TTC28: variants seen among roughly 807,000 people sequenced by gnomAD.
TTC28 encodes the protein tetratricopeptide repeat domain 28, also known as tetratricopeptide repeat protein 28.
Under a neutral mutation model 198.0 loss-of-function variants are expected in TTC28, and 61 were observed. That is an observed-to-expected ratio of 0.31 (90% confidence interval 0.25 to 0.38). The LOEUF is 0.38. Among genes scored for constraint, TTC28 ranks in the 10% least tolerant of loss-of-function variants. The pLI, the probability that TTC28 is intolerant of heterozygous loss-of-function variation, is 1.00. For missense variants in TTC28, 2,678 were observed against 3,164.0 expected (o/e 0.85, Z 3.69); for synonymous variants, 1,171 against 1,297.8 (o/e 0.90, Z 2.10).
At chr22:28,317,563 T>C (rs560321316) in intron 2 of TTC28, among the ~76,000 whole-genome samples, 1 of 152,040 alleles carries the variant, frequency 6.6e-6, no homozygotes, top group Non-Finnish European at 1.5e-5. Context: ...AACTGGAGAG[T>C]AGCCTATCCT....
At chr22:28,575,102 A>G (rs1466974088) in intron 2 of TTC28, among the ~76,000 whole-genome samples, 3 of 152,072 alleles carry the variant, frequency 2.0e-5, no homozygotes, top group Non-Finnish European at 2.9e-5. Context: ...ATATTTGCCC[A>G]CTCCAATGTC....
chr22:28,004,732 G>C (rs1483969116), intron 14 of TTC28, among the ~76,000 whole-genome samples: 1 of 152,238 alleles, frequency 6.6e-6, no homozygotes, highest in Non-Finnish European at 1.5e-5. Flanking sequence ...GGACATGTTA[G>C]AGATAATGCC....
intron 2 of TTC28, among the ~76,000 whole-genome samples, chr22:28,338,651 T>C (rs945575459): frequency 2.0e-5 from 3 of 152,232 alleles, no homozygotes; most frequent in Admixed American, 1.3e-4. Context: ...GGCTTCTGCA[T>C]TCATCATGTA....
At chr22:28,438,616 G>A (rs79918098) in intron 2 of TTC28, among the ~76,000 whole-genome samples, 2,183 of 152,260 alleles carry the variant, frequency 0.014, 32 homozygotes, top group Admixed American at 0.024. Context: ...CAGCTTTCCT[G>A]AAGGTTTTGA....
intron 1 of TTC28, among the ~76,000 whole-genome samples, chr22:28,660,649 G>A (rs1028391251): frequency 1.3e-5 from 2 of 151,354 alleles, no homozygotes; most frequent in Non-Finnish European, 2.9e-5. Flanking sequence ...TCAACCTCCC[G>A]AGTAGCTGAT....
At chr22:28,038,550 G>A (rs111667313) in intron 12 of TTC28, among the ~76,000 whole-genome samples, 4 of 151,948 alleles carry the variant, frequency 2.6e-5, no homozygotes, top group Admixed American at 6.6e-5. Context: ...ATGTTAGACC[G>A]AAAACCATAA....
chr22:28,407,802 A>G (rs535357163), intron 2 of TTC28, among the ~76,000 whole-genome samples: 1 of 152,332 alleles, frequency 6.6e-6, no homozygotes, highest in African/African-American at 2.4e-5. Context: ...TAGTTCTTAC[A>G]TGGCCAACCA....
rs1236578318 is a variant in TTC28, at chr22:28,629,765, A to G, written c.168T>C (p.Ala56=). 1.4e-5 allele frequency: 21 copies of G among 1,551,626 alleles called. No individual in the cohort carries two copies. In the East Asian group the frequency reaches 5.1e-4, roughly 38 times the overall value. Residue 56 remains alanine (A), a synonymous_variant, in exon 2 of 23, where the codon GCT becomes GCC. Coordinates refer to ENST00000397906, the MANE Select transcript of TTC28 (RefSeq NM_001145418.2). ...RSPDGPVLSK[A]EFVEKVRQSN... ...TCTGACGAACTTTCTCAACAAATTC[A>G]GCTTTGCTCAGTACCGGTCCATCAG... is the stretch of plus-strand genomic sequence containing the variant.
At chr22:28,256,865 G>A (rs1930965013) in intron 5 of TTC28, among the ~76,000 whole-genome samples, 1 of 152,102 alleles carries the variant, frequency 6.6e-6, no homozygotes, top group South Asian at 2.1e-4. Flanking sequence ...AGAGCAAGAT[G>A]CCATCTCTAC....
chr22:28,547,573 A>G (rs973697477), intron 2 of TTC28, among the ~76,000 whole-genome samples: 1 of 152,106 alleles, frequency 6.6e-6, no homozygotes, highest in African/African-American at 2.4e-5. Flanking sequence ...CAGTCAATGA[A>G]TCTAGTATTC....
chr22:28,587,469 T>A (rs571792278), intron 2 of TTC28, among the ~76,000 whole-genome samples: 5 of 152,298 alleles, frequency 3.3e-5, no homozygotes, highest in Admixed American at 3.3e-4. Context: ...CATCTTGAAT[T>A]CTGAACTCTA....
At chr22:28,442,411 C>CG (rs530346200) in intron 2 of TTC28, among the ~76,000 whole-genome samples, 48 of 152,318 alleles carry the variant, frequency 3.2e-4, no homozygotes, top group African/African-American at 1.1e-3. Flanking sequence ...TGGGGCTGCT[C>CG]GCCCCCCAGC....
In TTC28 at chr22:28,243,174, C is replaced by CAAAAAAAAAAAA. The variant is rs754700795; in HGVS notation, c.933+53012_933+53023dup. 1.3e-3 allele frequency among the ~76,000 whole-genome samples: 92 copies of CAAAAAAAAAAAA among 68,316 alleles called. 20 individuals are homozygous for CAAAAAAAAAAAA. Among genetic ancestry groups the CAAAAAAAAAAAA allele is most frequent in the Non-Finnish European group, 1.6e-3 (62 of 38,902 alleles). 44.8% of individuals were successfully genotyped at this position (68,316 alleles called of 152,430 possible). A position where few individuals can be genotyped will look rare whatever the true frequency, so the allele number is the denominator to read the frequency against. On this transcript the variant is annotated intron_variant, in intron 5 of 22. Coordinates refer to ENST00000397906, the MANE Select transcript of TTC28 (RefSeq NM_001145418.2). ...GCAACCTGGCAAAACCCCCTCTCTACAAAAAAAAAAAAAAAAAAAAAAAAA... is the reference window on the plus strand; with the variant it reads ...GCAACCTGGCAAAACCCCCTCTCTACAAAAAAAAAAAAAAAAAAAAAAAAAAAAAAAAAAAAA...
chr22:28,538,308 G>T (rs915291519), intron 2 of TTC28, among the ~76,000 whole-genome samples: 1 of 151,928 alleles, frequency 6.6e-6, no homozygotes, highest in African/African-American at 2.4e-5. Context: ...GGCTGGTCTC[G>T]AACTCCTTGA....
chr22:28,089,928 C>T (rs978337355), intron 12 of TTC28, among the ~76,000 whole-genome samples: 4 of 151,552 alleles, frequency 2.6e-5, no homozygotes, highest in South Asian at 2.1e-4. Flanking sequence ...AACACATGGA[C>T]ACAGGAAGGG....
chr22:28,335,399 G>T (rs1309849205), intron 2 of TTC28, among the ~76,000 whole-genome samples: 9 of 152,156 alleles, frequency 5.9e-5, no homozygotes, highest in African/African-American at 9.7e-5. Flanking sequence ...AAGAAAGTCT[G>T]TGGTAGCTTG....
At chr22:28,283,556 C>T (rs2044625022) in intron 5 of TTC28, among the ~76,000 whole-genome samples, 2 of 152,250 alleles carry the variant, frequency 1.3e-5, no homozygotes, top group Middle Eastern at 6.8e-3. Flanking sequence ...AATTTTCTCA[C>T]AAAGTCAAAA....
intron 12 of TTC28, among the ~76,000 whole-genome samples, chr22:28,090,459 T>G (rs974581747): frequency 1.3e-5 from 2 of 152,174 alleles, no homozygotes; most frequent in African/African-American, 4.8e-5. Flanking sequence ...TTGTTTGTAA[T>G]TCAATTATTG....
intron 5 of TTC28, among the ~76,000 whole-genome samples, chr22:28,165,325 G>C (rs1419648928): frequency 6.6e-6 from 1 of 152,074 alleles, no homozygotes; most frequent in Non-Finnish European, 1.5e-5. Flanking sequence ...GAAATACAGA[G>C]AACACCACAA....
Sources: gnomAD v4.1 joint callset for allele counts (sites outside exome capture counted in the v4.1 genomes callset) on GRCh38, gnomAD v4.1.1 for gene constraint, MANE v1.5 for transcripts, NCBI Gene and HGNC (gene_info 2026-07-23, HGNC 2026-07-21) for gene names.